The following INPP4B variants were observed in gnomAD, a reference collection of about 807,000 sequenced individuals.
INPP4B encodes the protein inositol polyphosphate-4-phosphatase type II B.
INPP4B carries 55 observed loss-of-function variants against 122.5 expected under a neutral mutation model. The ratio of observed to expected loss-of-function variants is 0.45; its 90% confidence interval spans 0.36 to 0.56. The LOEUF (loss-of-function observed/expected upper bound fraction) is 0.56, where lower values mean the gene tolerates loss of function less well. Ranked by LOEUF, INPP4B falls within the 20% of genes least tolerant of loss-of-function variation. INPP4B has a pLI of 0.00. For missense variants in INPP4B, 1,000 were observed against 1,097.7 expected (o/e 0.91, Z 1.26); for synonymous variants, 403 against 388.7 (o/e 1.04, Z -0.43).
Position 142,719,560 on chromosome 4 carries a change from G to C in INPP4B, c.-191+6279C>G, listed in dbSNP as rs28369300. ...GCTGGTCTCAAATTCCTGGCCTCAA[G>C]TGATCTGCACGCCTCGGCCTCCCAA... On this transcript the variant is annotated intron_variant, in intron 2 of 25. Transcript: ENST00000262992. Among the ~76,000 whole-genome samples, 1,179 of 152,110 alleles carry C rather than the reference G, an allele frequency of 7.8e-3. 22 individuals carry two copies. Among genetic ancestry groups the C allele is most frequent in the African/African-American group, 0.027 (1,132 of 41,480 alleles).
chr4:142,747,729 G>A (rs1191012071), intron 1 of INPP4B, among the ~76,000 whole-genome samples: 1 of 152,144 alleles, frequency 6.6e-6, no homozygotes, highest in Non-Finnish European at 1.5e-5. Flanking sequence ...TAGGGACATG[G>A]ATGAAGCTGG....
intron 2 of INPP4B, among the ~76,000 whole-genome samples, chr4:142,594,668 ACATGAGGCCGGG>A (rs1738272097): frequency 6.6e-6 from 1 of 152,128 alleles, no homozygotes; most frequent in African/African-American, 2.4e-5. Context: ...TAAAAGGGGA[ACATGAGGCCGGG>A]CATGGTGGCT....
At chr4:142,434,089 T>C (rs10428305) in intron 3 of INPP4B, among the ~76,000 whole-genome samples, 59,850 of 152,046 alleles carry the variant, frequency 0.39, 12,133 homozygotes, top group East Asian at 0.61. Flanking sequence ...CAATCATCTA[T>C]AGAGACCGAG....
chr4:142,522,924 G>T (rs1304701387), intron 2 of INPP4B, among the ~76,000 whole-genome samples: 2 of 152,102 alleles, frequency 1.3e-5, no homozygotes, highest in Non-Finnish European at 2.9e-5. Context: ...TCAAAATAGT[G>T]GTATTGAAAT....
chr4:142,182,298 C>T (rs1266455196), intron 15 of INPP4B, among the ~76,000 whole-genome samples: 1 of 152,026 alleles, frequency 6.6e-6, no homozygotes, highest in Non-Finnish European at 1.5e-5. Flanking sequence ...CCTATAATCC[C>T]AGCACTTTGG....
chr4:142,667,230 A>G (rs1483375233), intron 2 of INPP4B, among the ~76,000 whole-genome samples: 1 of 152,104 alleles, frequency 6.6e-6, no homozygotes. Context: ...TCCCTGCTGT[A>G]TTTATCCAGC....
intron 1 of INPP4B, among the ~76,000 whole-genome samples, chr4:142,805,164 T>C (rs1778525877): frequency 6.6e-6 from 1 of 152,190 alleles, no homozygotes; most frequent in South Asian, 2.1e-4. Flanking sequence ...ACATATTCTT[T>C]CAAAATGTTT....
intron 2 of INPP4B, among the ~76,000 whole-genome samples, chr4:142,633,028 G>T (rs1285621264): frequency 6.6e-6 from 1 of 151,708 alleles, no homozygotes; most frequent in Non-Finnish European, 1.5e-5. Context: ...TATGGACAAA[G>T]AAAAGTTGAA....
At chr4:142,157,657 G>T (rs1017977408) in intron 17 of INPP4B, among the ~76,000 whole-genome samples, 2 of 152,036 alleles carry the variant, frequency 1.3e-5, no homozygotes, top group African/African-American at 4.8e-5. Context: ...CTGGAGAAAA[G>T]AATCAGAAAG....
At position 142,384,810 on chromosome 4, in the gene INPP4B, T is replaced by G. The variant is rs536794049; in HGVS notation, c.372+18128A>C. 1.5e-4 allele frequency among the ~76,000 whole-genome samples: 23 copies of G among 152,256 alleles called. No homozygotes were observed. In the South Asian group the frequency reaches 3.9e-3, roughly 26 times the overall value. On this transcript the variant is annotated intron_variant, in intron 7 of 25. Transcript: ENST00000262992. ...ATTAAGCCTAGTACCCAATAGTTAT[T>G]TTTTCTGATCCTCTCCCTCCTCCCA...
At chr4:142,463,283 T>C (rs1024819209) in intron 2 of INPP4B, among the ~76,000 whole-genome samples, 2 of 152,182 alleles carry the variant, frequency 1.3e-5, no homozygotes, top group African/African-American at 2.4e-5. Context: ...TTTTTGCTTG[T>C]GGGAAGGGGT....
At chr4:142,528,273 C>A (rs746101988) in intron 2 of INPP4B, among the ~76,000 whole-genome samples, 1 of 152,044 alleles carries the variant, frequency 6.6e-6, no homozygotes, top group Non-Finnish European at 1.5e-5. Context: ...GGAATTCATA[C>A]ACTTCTTATC....
At chr4:142,687,303 G>A (rs1000151269) in intron 2 of INPP4B, among the ~76,000 whole-genome samples, 1 of 151,968 alleles carries the variant, frequency 6.6e-6, no homozygotes, top group Non-Finnish European at 1.5e-5. Context: ...GTGCTTCAGA[G>A]CGCTTTTAAA....
intron 25 of INPP4B, among the ~76,000 whole-genome samples, chr4:142,079,969 T>C (rs1210152627): frequency 6.6e-6 from 1 of 152,132 alleles, no homozygotes; most frequent in Non-Finnish European, 1.5e-5. Context: ...CTTGATTTTT[T>C]AATTTTTTTA....
intron 7 of INPP4B, among the ~76,000 whole-genome samples, chr4:142,367,892 C>G (rs1415098064): frequency 6.6e-6 from 1 of 152,080 alleles, no homozygotes; most frequent in Non-Finnish European, 1.5e-5. Context: ...GGGGCAAAGG[C>G]AATAAACCAT....
At chr4:142,441,381 AAGAG>A (rs1811684034) in intron 3 of INPP4B, among the ~76,000 whole-genome samples, 1 of 152,216 alleles carries the variant, frequency 6.6e-6, no homozygotes, top group African/African-American at 2.4e-5. Context: ...ATTCATGCAA[AAGAG>A]AAAGATCATG....
intron 2 of INPP4B, among the ~76,000 whole-genome samples, chr4:142,567,148 C>T (rs886978904): frequency 2.0e-5 from 3 of 152,190 alleles, no homozygotes; most frequent in Admixed American, 1.3e-4. Flanking sequence ...TAAGAGCAGT[C>T]AGGAGCTAGA....
chr4:142,063,195 T>C (rs961007302), intron 25 of INPP4B, among the ~76,000 whole-genome samples: 2 of 152,166 alleles, frequency 1.3e-5, no homozygotes, highest in South Asian at 2.1e-4. Flanking sequence ...ACTTACCTTG[T>C]AGCAACTTTC....
At chr4:142,212,363 G>A (rs185272986) in intron 12 of INPP4B, among the ~76,000 whole-genome samples, 30 of 152,118 alleles carry the variant, frequency 2.0e-4, no homozygotes, top group African/African-American at 5.1e-4. Context: ...CAGATTTTCC[G>A]CCATACTCTA....
Sources: allele counts gnomAD v4.1 joint callset (sites outside exome capture counted in the v4.1 genomes callset), GRCh38; gene constraint gnomAD v4.1.1; transcripts MANE v1.5; gene names NCBI Gene and HGNC (gene_info 2026-07-23, HGNC 2026-07-21).